ECSCR: variants seen among roughly 807,000 people sequenced by gnomAD.
ECSCR encodes the protein endothelial cell surface expressed chemotaxis and apoptosis regulator.
A neutral mutation model predicts 16.7 loss-of-function variants in ECSCR; 12 were observed. The observed-to-expected ratio is 0.72, with a 90% CI of 0.46 to 1.17. The LOEUF (loss-of-function observed/expected upper bound fraction) is 1.17, where lower values mean the gene tolerates loss of function less well. Among genes scored for constraint, ECSCR ranks in the 50% most tolerant of loss-of-function variants. The probability of loss-of-function intolerance (pLI) is 0.00; values close to 1 mark genes in which losing one functional copy is unlikely to be tolerated. For missense variants in ECSCR, 122 were observed against 116.1 expected (o/e 1.05, Z -0.23); for synonymous variants, 44 against 42.2 (o/e 1.04, Z -0.17).
Position 139,458,035 on chromosome 5 carries a change from G to A in ECSCR, c.106+104C>T, listed in dbSNP as rs1751198308. ...CCTGAGAGCTCCCGCTCCAGCTGCG[G>A]CCCCAGCCCCCTGAGGTTAAGGCTA... On this transcript the variant is annotated intron_variant, in intron 2 of 9. Coordinates refer to ENST00000618155, the MANE Select transcript of ECSCR (RefSeq NM_001077693.4). 4 of 1,334,058 alleles carry A rather than the reference G, an allele frequency of 3.0e-6. No homozygotes were observed. The African/African-American group carries it at 4.4e-5, about 15-fold the overall frequency. The allele number at this position is 1,334,058 out of a possible 1,614,324, so 82.6% of individuals were successfully genotyped here. A position where few individuals can be genotyped will look rare whatever the true frequency, so the allele number is the denominator to read the frequency against.
chr5:139,454,418 G>A (rs1039761662), intron 8 of ECSCR, among the ~76,000 whole-genome samples, 184 bp downstream of exon 8: 2,609 of 148,850 alleles, frequency 0.018, 80 homozygotes, highest in African/African-American at 0.062. Flanking sequence ...TGAGGTGTGT[G>A]TGGGTGTGTG....
At chr5:139,456,671 T>C (rs1455805767) in intron 4 of ECSCR, among the ~76,000 whole-genome samples, 153 bp from the exon 5 acceptor site, 2 of 152,172 alleles carry the variant, frequency 1.3e-5, no homozygotes, top group Admixed American at 1.3e-4. Flanking sequence ...GGGGTATCCT[T>C]CTCCTCCCTC....
intron 6 of ECSCR, among the ~76,000 whole-genome samples, 188 bp from the exon 7 acceptor site, chr5:139,455,111 C>T (rs1193958858): frequency 2.6e-5 from 4 of 152,244 alleles, no homozygotes; most frequent in South Asian, 4.1e-4. Flanking sequence ...GCTCTCCACC[C>T]GACTCCATCC....
chr5:139,461,092 G>A (rs2152090370), intron 1 of ECSCR, among the ~76,000 whole-genome samples: 1 of 152,254 alleles, frequency 6.6e-6, no homozygotes, highest in East Asian at 1.9e-4. Context: ...AGCCCAGGAG[G>A]TCAAGGCTGC....
intron 8 of ECSCR, among the ~76,000 whole-genome samples, chr5:139,450,670 G>A (rs1312597978): frequency 6.6e-6 from 1 of 151,522 alleles, no homozygotes; most frequent in African/African-American, 2.4e-5. Context: ...CAGCTACTCG[G>A]GAGGCTGAGG....
intron 8 of ECSCR, among the ~76,000 whole-genome samples, chr5:139,451,679 TG>T (rs1458703764): frequency 7.8e-6 from 1 of 128,080 alleles, no homozygotes; most frequent in Non-Finnish European, 1.6e-5. Context: ...GTATGGGGTG[TG>T]GGGTGTGTGA....
In ECSCR at chr5:139,455,375, C is replaced by T. The variant is rs1362494307; in HGVS notation, c.324G>A (p.Ala108=). ...CTGACGTGGGGCTGGGCAGGATGGT[C>T]GCATCTTCCCTCATGCTCAGGCTCA... is the stretch of plus-strand genomic sequence containing the variant. ...TTMSLSMRED[A]TILPSPTSET... Residue 108 remains alanine, a synonymous_variant, in exon 6 of 10, where the codon GCG becomes GCA. Transcript: ENST00000618155. 3 of 398,534 alleles carry T rather than the reference C, an allele frequency of 7.5e-6. No homozygotes were observed. Among genetic ancestry groups the T allele is most frequent in the East Asian group, 3.6e-5 (1 of 28,082 alleles). The allele number at this position is 398,534 out of a possible 1,614,324, so 24.7% of individuals were successfully genotyped here.
chr5:139,455,538 T>C, intron 5 of ECSCR, 102 bp from the exon 6 acceptor site: 2 of 389,046 alleles, frequency 5.1e-6, no homozygotes, highest in Non-Finnish European at 9.1e-6. Flanking sequence ...CCAGAATTTA[T>C]GCTGCAGAGC....
chr5:139,455,814 TAAAAAAAAAAAAA>T (rs1187505493), intron 5 of ECSCR, among the ~76,000 whole-genome samples: 1 of 49,092 alleles, frequency 2.0e-5, no homozygotes, highest in African/African-American at 7.7e-5. Flanking sequence ...CCATCTCTCC[TAAAAAAAAAAAAA>T]AAAAAAAAAA....
intron 8 of ECSCR, 132 bp downstream of exon 8, chr5:139,454,470 G>T (rs1362921460): frequency 2.8e-5 from 11 of 389,236 alleles, no homozygotes; most frequent in South Asian, 2.8e-4. Flanking sequence ...GGTGTGTGGG[G>T]GTGTGTGTGT....
chr5:139,451,910 T>C (rs1751060536), intron 8 of ECSCR, among the ~76,000 whole-genome samples: 1 of 145,130 alleles, frequency 6.9e-6, no homozygotes, highest in African/African-American at 2.6e-5. Context: ...GTGCTGTGGA[T>C]GTGTGGTGTA....
chr5:139,457,910 C>G (rs1449532057), intron 2 of ECSCR, 103 bp from the exon 3 acceptor site: 1 of 1,328,530 alleles, frequency 7.5e-7, no homozygotes, highest in Admixed American at 2.0e-5. Flanking sequence ...CCCCATCCCC[C>G]ACCCCTCATT....
chr5:139,452,337 G>GTGATA (rs1751078836), intron 8 of ECSCR, among the ~76,000 whole-genome samples: 1 of 75,522 alleles, frequency 1.3e-5, no homozygotes. Context: ...GTGTGTGTGT[G>GTGATA]TGATATGTGT....
chr5:139,460,692 G>A lies in ECSCR; in HGVS notation c.61+1918C>T, dbSNP rs189213126. On this transcript the variant is annotated intron_variant, in intron 1 of 9. Transcript: ENST00000618155. ...TTAGGGAGCATCTGTGTCTACAGCC[G>A]AGGGTGTCTCTGACCACTGGGCCTG... Among the ~76,000 whole-genome samples, 39 of 152,214 alleles carry A rather than the reference G, an allele frequency of 2.6e-4. No homozygotes were observed. The Middle Eastern group carries it at 0.01, about 40-fold the overall frequency.
chr5:139,449,177 G>T lies in ECSCR; in HGVS notation c.513-3C>A, dbSNP rs1396724018. The stretch of plus-strand genomic sequence containing the variant: ...TCTCTCCATTGGCTGTGGAGCAGCT[G>T]GGGGAGGAAGGGGGTCTGGGTTAAA... On this transcript the variant is annotated splice_region_variant and splice_polypyrimidine_tract_variant and intron_variant, in intron 8 of 9. Coordinates refer to ENST00000618155, the MANE Select transcript of ECSCR (RefSeq NM_001077693.4). 7 of 1,535,908 alleles carry T rather than the reference G, an allele frequency of 4.6e-6. No homozygotes were observed. The highest frequency in any genetic ancestry group is 6.1e-6 in the Non-Finnish European group (7 of 1,145,826).
At chr5:139,460,734 T>C (rs1751281770) in intron 1 of ECSCR, among the ~76,000 whole-genome samples, 1 of 152,150 alleles carries the variant, frequency 6.6e-6, no homozygotes, top group South Asian at 2.1e-4. Context: ...CCCAAAGAAC[T>C]CTAGCCACAG....
At position 139,455,355 on chromosome 5, in the gene ECSCR, G is replaced by A. The variant is rs1325086759; in HGVS notation, c.344C>T (p.Thr115Met). The change falls in exon 6 of 10, where the codon ACG (threonine) becomes ATG (methionine). Residue 115 changes from threonine to methionine, a missense_variant. Transcript: ENST00000618155. ...AGCCACAGTGAGCACAGTCTCTGAC[G>A]TGGGGCTGGGCAGGATGGTCGCATC... ...REDATILPSP[T>M]SETVLTVAAF... 4 of 398,738 alleles carry A rather than the reference G, an allele frequency of 1.0e-5. No homozygotes were observed. Among genetic ancestry groups the A allele is most frequent in the East Asian group, 3.6e-5 (1 of 28,074 alleles). The allele number at this position is 398,738 out of a possible 1,614,324, so 24.7% of individuals were successfully genotyped here.
In ECSCR at chr5:139,457,539, C is replaced by G; in HGVS notation, c.217+6G>C. Reference sequence around the variant, plus strand: ...GATGGCATTTGTAGTCTGAATGACACAGTACCTGGGGTACCAGTGCTGGAC... The same window carrying G: ...GATGGCATTTGTAGTCTGAATGACAGAGTACCTGGGGTACCAGTGCTGGAC... On this transcript the variant is annotated splice_donor_region_variant and intron_variant, in intron 4 of 9. Coordinates refer to ENST00000618155, the MANE Select transcript of ECSCR (RefSeq NM_001077693.4). 1.3e-6 allele frequency: 1 copy of G among 783,854 alleles called. No homozygotes were observed. The highest frequency in any genetic ancestry group is 1.3e-5 in the South Asian group (1 of 74,656). 48.6% of individuals were successfully genotyped at this position (783,854 alleles called of 1,614,324 possible).
rs141282282 is a variant in ECSCR at position 139,449,703 on chromosome 5, C to A, written c.513-529G>T. Among the ~76,000 whole-genome samples, 321 of 152,068 alleles carry A rather than the reference C, an allele frequency of 2.1e-3. 1 individual carries two copies. In the Middle Eastern group the frequency reaches 0.024, roughly 11 times the overall value. On this transcript the variant is annotated intron_variant, in intron 8 of 9. Coordinates refer to ENST00000618155, the MANE Select transcript of ECSCR (RefSeq NM_001077693.4). Reference sequence around the variant, plus strand: ...TGTTTGATCTTTACCAAGTTACAACCTCTATTAAAGCCTCAATTTTATTTT... The same window carrying A: ...TGTTTGATCTTTACCAAGTTACAACATCTATTAAAGCCTCAATTTTATTTT...
Sources: allele counts gnomAD v4.1 joint callset (sites outside exome capture counted in the v4.1 genomes callset), GRCh38; gene constraint gnomAD v4.1.1; transcripts MANE v1.5; gene names NCBI Gene and HGNC (gene_info 2026-07-23, HGNC 2026-07-21).